The following PRKAG2 variants were observed in gnomAD, a reference collection of about 807,000 sequenced individuals.
PRKAG2 encodes protein kinase AMP-activated non-catalytic subunit gamma 2.
PRKAG2 carries 26 observed loss-of-function variants against 69.6 expected under a neutral mutation model. The ratio of observed to expected loss-of-function variants is 0.37; its 90% confidence interval spans 0.27 to 0.52. The LOEUF is 0.52. PRKAG2 is among the 20% of genes least tolerant of loss of function. The probability of loss-of-function intolerance (pLI) is 0.90; values close to 1 mark genes in which losing one functional copy is unlikely to be tolerated. For synonymous variants in PRKAG2, 293 were observed against 285.0 expected (o/e 1.03, Z -0.28); for missense variants, 557 against 740.0 (o/e 0.75, Z 2.87).
chr7:151,703,824 G>A (rs1450195679), intron 3 of PRKAG2, among the ~76,000 whole-genome samples: 1 of 144,054 alleles, frequency 6.9e-6, no homozygotes, highest in African/African-American at 2.6e-5. Flanking sequence ...CCAACATGGT[G>A]AAACCCTGTC....
intron 1 of PRKAG2, among the ~76,000 whole-genome samples, chr7:151,842,746 AGGTAGTGATG>A (rs2079340540): frequency 6.6e-6 from 1 of 150,750 alleles, no homozygotes; most frequent in African/African-American, 2.5e-5. Context: ...TAGTGATGGT[AGGTAGTGATG>A]GGTAGTGATG....
intron 4 of PRKAG2, among the ~76,000 whole-genome samples, chr7:151,658,458 C>T (rs1316017941): frequency 1.4e-5 from 2 of 144,630 alleles, no homozygotes; most frequent in Non-Finnish European, 1.5e-5. Context: ...GCACTCCAGC[C>T]TGGGTGACAG....
intron 3 of PRKAG2, among the ~76,000 whole-genome samples, chr7:151,769,709 G>A (rs1468061780): frequency 1.3e-5 from 2 of 152,204 alleles, no homozygotes; most frequent in Non-Finnish European, 2.9e-5. Context: ...TAACCTGTGG[G>A]CCATGAAGGC....
At chr7:151,615,997 T>G (rs1820043551) in intron 5 of PRKAG2, among the ~76,000 whole-genome samples, 1 of 152,084 alleles carries the variant, frequency 6.6e-6, no homozygotes, top group Non-Finnish European at 1.5e-5. Flanking sequence ...CAGAAGAGAG[T>G]AACTGCTCAC....
rs183111434 is a variant in PRKAG2 at position 151,620,347 on chromosome 7, C to T, written c.754+11722G>A. 2.6e-5 allele frequency among the ~76,000 whole-genome samples: 4 copies of T among 152,196 alleles called. No individual in the cohort carries two copies. In the East Asian group the frequency reaches 7.7e-4, roughly 29 times the overall value. On this transcript the variant is annotated intron_variant, in intron 5 of 15. Coordinates refer to ENST00000287878, the MANE Select transcript of PRKAG2 (RefSeq NM_016203.4). Reference sequence around the variant, plus strand: ...TTTTTCTTTCTCTCTCTCATTCTTTCTTTCTTTCTTTAGAGATAGGATCAC... The same window carrying T: ...TTTTTCTTTCTCTCTCTCATTCTTTTTTTCTTTCTTTAGAGATAGGATCAC...
chr7:151,648,251 A>C (rs558572428), intron 4 of PRKAG2, among the ~76,000 whole-genome samples: 4 of 152,256 alleles, frequency 2.6e-5, no homozygotes, highest in African/African-American at 9.6e-5. Context: ...ATTTAAATTG[A>C]CTTAAACCCC....
At chr7:151,825,048 C>A (rs1344644069) in intron 1 of PRKAG2, among the ~76,000 whole-genome samples, 1 of 28,390 alleles carries the variant, frequency 3.5e-5, no homozygotes, top group Non-Finnish European at 1.2e-4. Flanking sequence ...CCCGTCTCTA[C>A]TAAAAATACA....
intron 3 of PRKAG2, among the ~76,000 whole-genome samples, chr7:151,752,967 G>A (rs572857736): frequency 4.1e-4 from 62 of 152,326 alleles, no homozygotes; most frequent in African/African-American, 1.3e-3. Flanking sequence ...GAAAGGTGTC[G>A]CGGCCGCATC....
intron 1 of PRKAG2, among the ~76,000 whole-genome samples, chr7:151,853,238 G>A (rs1431459423): frequency 1.3e-5 from 2 of 152,158 alleles, no homozygotes; most frequent in South Asian, 2.1e-4. Context: ...GAGGAGGAGG[G>A]GCTGCAGCTG....
At position 151,842,938 on chromosome 7, in the gene PRKAG2, T is replaced by C. The variant is rs1021897801; in HGVS notation, c.114+33569A>G. Reference sequence around the variant, plus strand: ...CTGCAGGATTCCCTTCAAGGTCTAGTTCTTCCCTGTCCCTACTTTGGGACA... The same window carrying C: ...CTGCAGGATTCCCTTCAAGGTCTAGCTCTTCCCTGTCCCTACTTTGGGACA... On this transcript the variant is annotated intron_variant, in intron 1 of 15. Coordinates refer to ENST00000287878, the MANE Select transcript of PRKAG2 (RefSeq NM_016203.4). Among the ~76,000 whole-genome samples the C allele has an allele frequency of 2.0e-5, 3 of 152,016 alleles. No homozygotes were observed. In the East Asian group the frequency reaches 5.8e-4, roughly 29 times the overall value.
intron 1 of PRKAG2, among the ~76,000 whole-genome samples, chr7:151,794,262 A>G (rs1206849395): frequency 2.0e-5 from 3 of 152,212 alleles, no homozygotes; most frequent in East Asian, 1.9e-4. Flanking sequence ...TCAGCACCAG[A>G]CATGAAACTC....
At chr7:151,845,551 G>C (rs1054461904) in intron 1 of PRKAG2, among the ~76,000 whole-genome samples, 1 of 152,132 alleles carries the variant, frequency 6.6e-6, no homozygotes. Flanking sequence ...AGGAAGCGGT[G>C]GTGGCCCCAC....
At chr7:151,663,259 C>G (rs1218220554) in intron 4 of PRKAG2, among the ~76,000 whole-genome samples, 2 of 152,156 alleles carry the variant, frequency 1.3e-5, no homozygotes, top group Non-Finnish European at 2.9e-5. Flanking sequence ...TATGTTACTC[C>G]AAATCTCCTC....
intron 1 of PRKAG2, among the ~76,000 whole-genome samples, chr7:151,852,979 C>G (rs2079614231): frequency 6.6e-6 from 1 of 152,190 alleles, no homozygotes; most frequent in Non-Finnish European, 1.5e-5. Flanking sequence ...GCAGCTTGGA[C>G]TAAATTTAAT....
intron 1 of PRKAG2, among the ~76,000 whole-genome samples, chr7:151,858,548 C>T (rs1187924415): frequency 6.6e-6 from 1 of 152,168 alleles, no homozygotes; most frequent in African/African-American, 2.4e-5. Flanking sequence ...CTCCACTATT[C>T]ACCTGCCCAC....
At chr7:151,565,296 T>A in intron 13 of PRKAG2, 50 bp downstream of exon 13, 2 of 1,292,556 alleles carry the variant, frequency 1.5e-6, no homozygotes, top group Non-Finnish European at 2.2e-6. Flanking sequence ...ATTACATGAA[T>A]GTTTAAAATG....
At chr7:151,812,429 A>G (rs1274368490) in intron 1 of PRKAG2, among the ~76,000 whole-genome samples, 1 of 152,216 alleles carries the variant, frequency 6.6e-6, no homozygotes, top group Non-Finnish European at 1.5e-5. Flanking sequence ...GATAAATCCA[A>G]GATGGATTCC....
intron 1 of PRKAG2, among the ~76,000 whole-genome samples, chr7:151,827,757 A>AACAAAC (rs1554614002): frequency 6.1e-5 from 9 of 147,818 alleles, no homozygotes; most frequent in Non-Finnish European, 1.4e-4. Context: ...AAAAAAAAAA[A>AACAAAC]AAAAAAAAAA....
At chr7:151,572,964 T>C (rs767185777) in intron 8 of PRKAG2, among the ~76,000 whole-genome samples, 45 of 151,870 alleles carry the variant, frequency 3.0e-4, no homozygotes, top group Non-Finnish European at 6.0e-4. Flanking sequence ...AATACAAAAA[T>C]TAGCCAGGCA....
Sources: gnomAD v4.1 joint callset for allele counts (sites outside exome capture counted in the v4.1 genomes callset) on GRCh38, gnomAD v4.1.1 for gene constraint, MANE v1.5 for transcripts, NCBI Gene and HGNC (gene_info 2026-07-23, HGNC 2026-07-21) for gene names.